Variants in FTO observed in about 807,000 individuals in gnomAD.
FTO encodes the protein FTO alpha-ketoglutarate dependent dioxygenase.
Under a neutral mutation model 63.9 loss-of-function variants are expected in FTO, and 47 were observed. The observed-to-expected ratio is 0.74, with a 90% CI of 0.58 to 0.94. The LOEUF (loss-of-function observed/expected upper bound fraction) is 0.94. Among genes scored for constraint, FTO ranks in the 40% least tolerant of loss-of-function variants. The pLI is 0.00. For synonymous variants in FTO, 207 were observed against 224.4 expected, an observed-to-expected ratio of 0.92 and a Z score of 0.69; for missense variants, 562 against 618.1, an observed-to-expected ratio of 0.91 and a Z score of 0.96.
intron 5 of FTO, among the ~76,000 whole-genome samples, chr16:53,879,060 G>C (rs1313602921): frequency 6.6e-6 from 1 of 152,148 alleles, no homozygotes; most frequent in East Asian, 1.9e-4. Flanking sequence ...CAGCTTTGCA[G>C]CCTGGTTACC....
intron 1 of FTO, among the ~76,000 whole-genome samples, chr16:53,719,226 C>T (rs2075969608): frequency 6.9e-6 from 1 of 145,954 alleles, no homozygotes; most frequent in African/African-American, 2.7e-5. Flanking sequence ...TTGAACTTTA[C>T]TTCTTCTTCT....
rs538391262 is a variant in FTO at position 54,051,818 on chromosome 16, T to A, written c.1365-59944T>A. ...GGCTAGGAAACAAAGGAAGTCTCTT[T>A]TAAGAGGTGTTTTACATTTTATGAC... On this transcript the variant is annotated intron_variant, in intron 8 of 8. Coordinates refer to ENST00000471389, the MANE Select transcript of FTO (RefSeq NM_001080432.3). 2.5e-3 allele frequency among the ~76,000 whole-genome samples: 375 copies of A among 152,308 alleles called. 2 individuals carry two copies. Among genetic ancestry groups the A allele is most frequent in the Middle Eastern group, 0.01 (3 of 292 alleles).
At chr16:53,780,559 G>A (rs543402774) in intron 1 of FTO, among the ~76,000 whole-genome samples, 1 of 152,122 alleles carries the variant, frequency 6.6e-6, no homozygotes, top group Admixed American at 6.5e-5. Context: ...CTGTAGAGAC[G>A]GGGTTTTGCC....
intron 8 of FTO, among the ~76,000 whole-genome samples, chr16:54,051,342 T>C (rs1414948635): frequency 6.6e-6 from 1 of 152,252 alleles, no homozygotes; most frequent in South Asian, 2.1e-4. Context: ...AATCTGGTTA[T>C]GGGTTGGCAA....
At chr16:53,900,684 G>C (rs1363546826) in intron 7 of FTO, among the ~76,000 whole-genome samples, 1 of 136,082 alleles carries the variant, frequency 7.3e-6, no homozygotes, top group Non-Finnish European at 1.5e-5. Context: ...TGTCTCCCAG[G>C]TTGATAAGGC....
Position 53,792,804 on chromosome 16 carries a change from A to G in FTO, c.46-17336A>G, listed in dbSNP as rs569355619. Among the ~76,000 whole-genome samples, 5 of 152,264 alleles carry G rather than the reference A, an allele frequency of 3.3e-5. No individual in the cohort carries two copies. The South Asian group carries it at 1.0e-3, about 32-fold the overall frequency. On this transcript the variant is annotated intron_variant, in intron 1 of 8. Transcript: ENST00000471389. Reference sequence around the variant, plus strand: ...CATCTGAACAGGTGTGGCCAAGTGGAGGAGTTTCTCCTCTTGGAAATGTCA... The same window carrying G: ...CATCTGAACAGGTGTGGCCAAGTGGGGGAGTTTCTCCTCTTGGAAATGTCA...
chr16:53,933,906 T>A, intron 7 of FTO, 79 bp from the exon 8 acceptor site: 1 of 1,404,822 alleles, frequency 7.1e-7, no homozygotes, highest in East Asian at 2.4e-5. Context: ...ATTGATTTAC[T>A]GTCCTTATTT....
At chr16:53,970,286 G>A (rs940272140) in intron 8 of FTO, among the ~76,000 whole-genome samples, 3 of 152,030 alleles carry the variant, frequency 2.0e-5, no homozygotes, top group South Asian at 2.1e-4. Flanking sequence ...GAGGGAAGCC[G>A]ACTTGGGTGA....
intron 8 of FTO, among the ~76,000 whole-genome samples, chr16:54,109,003 C>T (rs556388126): frequency 2.0e-5 from 3 of 152,324 alleles, no homozygotes; most frequent in Admixed American, 1.3e-4. Flanking sequence ...CCAACCTTCT[C>T]TTTATCAGTT....
intron 1 of FTO, among the ~76,000 whole-genome samples, chr16:53,783,978 A>G (rs911851409): frequency 6.6e-6 from 1 of 152,098 alleles, no homozygotes; most frequent in East Asian, 1.9e-4. Context: ...TACAGACCCT[A>G]CTTCTGGAGA....
chr16:53,751,404 G>A (rs1404634917), intron 1 of FTO, among the ~76,000 whole-genome samples: 1 of 152,038 alleles, frequency 6.6e-6, no homozygotes, highest in Non-Finnish European at 1.5e-5. Context: ...CTTGCAGTGA[G>A]CTGAGATCAT....
chr16:53,853,538 A>C (rs753437676), intron 4 of FTO, among the ~76,000 whole-genome samples: 1 of 151,816 alleles, frequency 6.6e-6, no homozygotes, highest in African/African-American at 2.4e-5. Context: ...ATGTGCCCAT[A>C]GCTTAGTGCC....
chr16:53,834,395 G>T (rs2079232726), intron 3 of FTO, among the ~76,000 whole-genome samples: 1 of 152,140 alleles, frequency 6.6e-6, no homozygotes, highest in Non-Finnish European at 1.5e-5. Flanking sequence ...TACTGTCCAT[G>T]ACATTGATGA....
chr16:53,755,510 A>T (rs2076901596), intron 1 of FTO, among the ~76,000 whole-genome samples: 1 of 152,194 alleles, frequency 6.6e-6, no homozygotes, highest in Non-Finnish European at 1.5e-5. Context: ...AGTTTGGAGC[A>T]CTTGGAAGTT....
chr16:54,031,843 C>T (rs539017715), intron 8 of FTO, among the ~76,000 whole-genome samples: 1 of 152,234 alleles, frequency 6.6e-6, no homozygotes, highest in East Asian at 1.9e-4. Flanking sequence ...ACCTTGTGGG[C>T]TTTTACTAAT....
intron 2 of FTO, among the ~76,000 whole-genome samples, chr16:53,818,499 C>T (rs755144129): frequency 2.8e-4 from 43 of 151,992 alleles, no homozygotes; most frequent in Non-Finnish European, 5.0e-4. Flanking sequence ...TTTAGTGCAG[C>T]ATCTTCACTC....
intron 7 of FTO, among the ~76,000 whole-genome samples, chr16:53,903,990 A>T (rs2151930941): frequency 6.6e-6 from 1 of 151,926 alleles, no homozygotes; most frequent in South Asian, 2.1e-4. Flanking sequence ...GTGTATATTT[A>T]CATATAGATT....
chr16:53,951,348 A>T (rs965306265), intron 8 of FTO, among the ~76,000 whole-genome samples: 8 of 152,184 alleles, frequency 5.3e-5, no homozygotes, highest in African/African-American at 1.7e-4. Context: ...TAAGCCAAGT[A>T]AGCTTAGTGA....
rs12445809 is a variant in FTO at position 54,118,385 on chromosome 16, G to C, written c.*6470G>C. 47,289 of 148,150 alleles carry C rather than the reference G, an allele frequency of 0.32. 9,226 individuals carry two copies. Among genetic ancestry groups the C allele is most frequent in the East Asian group, 0.48 (2,355 of 4,924 alleles). The allele number at this position is 148,150 out of a possible 1,614,324, so 9.2% of individuals were successfully genotyped here. ...TTTTTTCTTTTTTTTTTTCAGACAGGGTCTCACCCTGTCACGTAGGCTGGA... is the reference window on the plus strand; with the variant it reads ...TTTTTTCTTTTTTTTTTTCAGACAGCGTCTCACCCTGTCACGTAGGCTGGA... On this transcript the variant is annotated 3_prime_UTR_variant, in exon 9 of 9. Coordinates refer to ENST00000471389, the MANE Select transcript of FTO (RefSeq NM_001080432.3).
Sources: allele counts gnomAD v4.1 joint callset (sites outside exome capture counted in the v4.1 genomes callset), GRCh38; gene constraint gnomAD v4.1.1; transcripts MANE v1.5; gene names NCBI Gene and HGNC (gene_info 2026-07-23, HGNC 2026-07-21).